PPARGC1A: variants seen among roughly 807,000 people sequenced by gnomAD.
PPARGC1A encodes the protein peroxisome proliferator-activated receptor gamma coactivator 1-alpha.
Under a neutral mutation model 88.7 loss-of-function variants are expected in PPARGC1A, and 25 were observed. That is an observed-to-expected ratio of 0.28 (90% confidence interval 0.21 to 0.39). The LOEUF is 0.39. Among genes scored for constraint, PPARGC1A ranks in the 10% least tolerant of loss-of-function variants. The pLI is 1.00. For synonymous variants in PPARGC1A, 363 were observed against 355.6 expected (o/e 1.02, Z -0.24); for missense variants, 880 against 968.7 (o/e 0.91, Z 1.22).
rs190841388 is a variant in PPARGC1A at position 23,856,794 on chromosome 4, G to A, written c.235-25043C>T. 2.6e-3 allele frequency among the ~76,000 whole-genome samples: 399 copies of A among 151,984 alleles called. 2 individuals carry two copies. Among genetic ancestry groups the A allele is most frequent in the Admixed American group, 4.3e-3 (66 of 15,252 alleles). The stretch of plus-strand genomic sequence containing the variant: ...TACTGGGGAGCCAATAACAGAAGCC[G>A]GACTCTCCCTTCATCACCGAGAGGC... On this transcript the variant is annotated intron_variant, in intron 2 of 12. Transcript: ENST00000264867.
At chr4:24,314,112 A>T in the PPARGC1A span, among the ~76,000 whole-genome samples, 2 of 152,364 alleles carry the variant, frequency 1.3e-5, no homozygotes, top group South Asian at 4.1e-4. Flanking sequence ...TGTCAACAAA[A>T]GAGTAAAAAA....
the PPARGC1A span, among the ~76,000 whole-genome samples, chr4:24,053,625 G>C: frequency 2.0e-5 from 3 of 152,104 alleles, no homozygotes; most frequent in African/African-American, 7.2e-5. Context: ...AAGAATAAAG[G>C]CTTCACAGTC....
At chr4:23,902,334 T>C (rs1225170974), upstream of PPARGC1A, among the ~76,000 whole-genome samples, 1 of 152,132 alleles carries the variant, frequency 6.6e-6, no homozygotes, top group Non-Finnish European at 1.5e-5. Context: ...TCAGAATTAT[T>C]AAGGGAAAGT....
the PPARGC1A span, among the ~76,000 whole-genome samples, chr4:24,242,314 G>A: frequency 3.0e-3 from 450 of 152,280 alleles, 3 homozygotes; most frequent in African/African-American, 0.01. Flanking sequence ...CTACAGCCTC[G>A]TCCTGACGCC....
chr4:24,213,383 G>A, the PPARGC1A span, among the ~76,000 whole-genome samples: 2 of 152,044 alleles, frequency 1.3e-5, no homozygotes, highest in Non-Finnish European at 2.9e-5. Context: ...AGCCAGAATA[G>A]TCTCGATCTC....
At chr4:23,844,698 T>TATATA (rs1727829700) in intron 2 of PPARGC1A, among the ~76,000 whole-genome samples, 2 of 98,390 alleles carry the variant, frequency 2.0e-5, no homozygotes, top group Admixed American at 1.7e-4. Flanking sequence ...TAATATATGA[T>TATATA]CTATCATAAT....
At chr4:24,149,080 T>C in the PPARGC1A span, among the ~76,000 whole-genome samples, 4 of 152,088 alleles carry the variant, frequency 2.6e-5, no homozygotes, top group Admixed American at 1.3e-4. Context: ...ATTTGTAAGT[T>C]GGGGGGAAGG....
the PPARGC1A span, among the ~76,000 whole-genome samples, chr4:24,009,342 G>T: frequency 6.6e-6 from 1 of 152,110 alleles, no homozygotes; most frequent in African/African-American, 2.4e-5. Flanking sequence ...AGTTTCTTCT[G>T]CAGGCTTCAT....
the PPARGC1A span, among the ~76,000 whole-genome samples, chr4:24,312,566 T>C: frequency 6.6e-6 from 1 of 150,920 alleles, no homozygotes; most frequent in Admixed American, 6.6e-5. Flanking sequence ...CTTTTCTCTT[T>C]GTCTTAATTC....
chr4:24,067,942 C>T, the PPARGC1A span, among the ~76,000 whole-genome samples: 1 of 152,154 alleles, frequency 6.6e-6, no homozygotes, highest in Admixed American at 6.5e-5. Flanking sequence ...TGACTCATTC[C>T]CCCAGAGGGG....
intron 12 of PPARGC1A, among the ~76,000 whole-genome samples, chr4:23,797,948 C>T (rs7679081): frequency 0.46 from 69,462 of 151,872 alleles, 16,230 homozygotes; most frequent in Middle Eastern, 0.58. Context: ...CATTCCACAA[C>T]GAAAGAAGTG....
At chr4:24,276,495 T>G in the PPARGC1A span, among the ~76,000 whole-genome samples, 1 of 152,202 alleles carries the variant, frequency 6.6e-6, no homozygotes, top group African/African-American at 2.4e-5. Flanking sequence ...AGTCCTACTC[T>G]TGACTGCCTG....
chr4:23,974,613 G>A, the PPARGC1A span, among the ~76,000 whole-genome samples: 1 of 151,658 alleles, frequency 6.6e-6, no homozygotes, highest in Non-Finnish European at 1.5e-5. Context: ...ACCCAGGACT[G>A]TCAGTGTCTG....
At chr4:24,339,225 T>TAC in the PPARGC1A span, among the ~76,000 whole-genome samples, 12 of 80,436 alleles carry the variant, frequency 1.5e-4, no homozygotes, top group African/African-American at 4.4e-4. Flanking sequence ...TATATATATA[T>TAC]ATATATATAT....
At chr4:24,272,753 G>A in the PPARGC1A span, among the ~76,000 whole-genome samples, 1 of 152,114 alleles carries the variant, frequency 6.6e-6, no homozygotes, top group Non-Finnish European at 1.5e-5. Flanking sequence ...GAACAGACCA[G>A]ACTGCTAATT....
At chr4:24,193,257 C>T in the PPARGC1A span, among the ~76,000 whole-genome samples, 1 of 152,174 alleles carries the variant, frequency 6.6e-6, no homozygotes, top group Admixed American at 6.5e-5. Flanking sequence ...CATAGCAGGA[C>T]GCAAGGCCGG....
the PPARGC1A span, among the ~76,000 whole-genome samples, chr4:24,092,532 C>T: frequency 6.6e-6 from 1 of 152,146 alleles, no homozygotes; most frequent in South Asian, 2.1e-4. Context: ...GATGTAATCA[C>T]TCATCTGATA....
the PPARGC1A span, among the ~76,000 whole-genome samples, chr4:24,005,924 C>G: frequency 6.6e-6 from 1 of 152,108 alleles, no homozygotes; most frequent in African/African-American, 2.4e-5. Flanking sequence ...ATGCACTGAG[C>G]CTCATGGGGT....
chr4:23,996,137 T>A, the PPARGC1A span, among the ~76,000 whole-genome samples: 2 of 152,180 alleles, frequency 1.3e-5, no homozygotes, highest in Admixed American at 1.3e-4. Flanking sequence ...TATGATGGCA[T>A]CTCCTACCTT....
Sources: gnomAD v4.1 joint callset for allele counts (sites outside exome capture counted in the v4.1 genomes callset) on GRCh38, gnomAD v4.1.1 for gene constraint, MANE v1.5 for transcripts, NCBI Gene and HGNC (gene_info 2026-07-23, HGNC 2026-07-21) for gene names.